RTL1: variants seen among roughly 807,000 people sequenced by gnomAD.
RTL1 encodes the protein retrotransposon Gag like 1, also known as retrotransposon-like protein 1.
For missense variants in RTL1, 1,681 were observed against 1,767.5 expected, an observed-to-expected ratio of 0.95 and a Z score of 0.88; for synonymous variants, 727 against 748.4, an observed-to-expected ratio of 0.97 and a Z score of 0.47.
chr14:100,881,585 G>C lies in RTL1; in HGVS notation c.3204C>G (p.Ser1068Arg). 6.4e-7 allele frequency: 1 copy of C among 1,551,806 alleles called. No homozygotes were observed. Among genetic ancestry groups the C allele is most frequent in the Non-Finnish European group, 8.7e-7 (1 of 1,147,020 alleles). Residue 1068 changes from serine to arginine, a missense_variant, in exon 4 of 4, where the codon AGC becomes AGG. Ser to Arg is a moderately radical substitution (Grantham distance 110). Coordinates refer to ENST00000649591, the MANE Select transcript of RTL1 (RefSeq NM_001134888.3). This position sits in a 1 kb window ranked among gnomAD's most constrained non-coding sequence, Gnocchi z 6.6. ...GAATGACGGCCCTGATCTGGGCCAT[G>C]CTGAAGTGGGCGAGGAAGCTGTTGA... ...QILNSFLAHF[S>R]MAQIRAVILH...
chr14:100,895,259 C>A (rs778458307), intron 2 of RTL1, among the ~76,000 whole-genome samples: 1 of 152,044 alleles, frequency 6.6e-6, no homozygotes, highest in African/African-American at 2.4e-5. Flanking sequence ...CAGGGGTCTA[C>A]CTGGAGGTCA....
chr14:100,887,281 C>T lies in RTL1; in HGVS notation c.-86-2407G>A, dbSNP rs375060493. On this transcript the variant is annotated intron_variant, in intron 3 of 3. Coordinates refer to ENST00000649591, the MANE Select transcript of RTL1 (RefSeq NM_001134888.3). ...GTCATTCCTCAAAATAAAAAGGTCA[C>T]TCTCCCTTGCAAGATACACGAATTT... Among the ~76,000 whole-genome samples, 7 of 152,308 alleles carry T rather than the reference C, an allele frequency of 4.6e-5. No individual in the cohort carries two copies. In the East Asian group the frequency reaches 9.6e-4, roughly 21 times the overall value.
In RTL1 at chr14:100,882,562, C is replaced by G. The variant is rs1421967821; in HGVS notation, c.2227G>C (p.Glu743Gln). ...QEVLIYSMSQ[E>Q]EHLHHVRQVL... ...TGGCGGACGTGGTGGAGGTGCTCCT[C>G]CTGACTCATTGAGTAGATCAGGACT... is the stretch of plus-strand genomic sequence containing the variant. Residue 743 changes from glutamate (E) to glutamine (Q), a missense_variant, in exon 4 of 4, where the codon GAG becomes CAG. Transcript: ENST00000649591. The G allele has an allele frequency of 6.4e-7, 1 of 1,551,774 alleles. No individual in the cohort carries two copies. The highest frequency in any genetic ancestry group is 1.2e-5 in the South Asian group (1 of 84,052).
In RTL1 at chr14:100,882,736, C is replaced by G; in HGVS notation, c.2053G>C (p.Val685Leu). The change falls in exon 4 of 4, where the codon GTG (valine) becomes CTG (leucine). Residue 685 changes from valine (V) to leucine (L), a missense_variant. By Grantham distance (32) the Val-to-Leu change is conservative (BLOSUM62 1). Coordinates refer to ENST00000649591, the MANE Select transcript of RTL1 (RefSeq NM_001134888.3). ...ESVNGHRTEDVWKAAFGLELE... is the reference protein window; with the variant it reads ...ESVNGHRTEDLWKAAFGLELE... ...TCCAAACCAAACGCTGCTTTCCACA[C>G]ATCTTCGGTGCGGTGCCCGTTCACG... is the stretch of plus-strand genomic sequence containing the variant. 1.3e-6 allele frequency: 2 copies of G among 1,551,974 alleles called. No individual in the cohort carries two copies. The highest frequency in any genetic ancestry group is 1.7e-6 in the Non-Finnish European group (2 of 1,147,074).
At position 100,881,249 on chromosome 14, in the gene RTL1, G is replaced by C. The variant is rs1345859129; in HGVS notation, c.3540C>G (p.Ser1180=). The C allele has an allele frequency of 1.3e-6, 2 of 1,549,694 alleles. No individual in the cohort carries two copies. The highest frequency in any genetic ancestry group is 1.7e-6 in the Non-Finnish European group (2 of 1,146,466). ...TGAACTGCAGGCCTCGGTGGGCCTG[G>C]GAGTGCAGAGCATTTCGCTGCCAGC... is the stretch of plus-strand genomic sequence containing the variant. ...PGRWQRNALH[S]QAHRGLQFTP... Residue 1180 remains serine (S), a synonymous_variant, in exon 4 of 4, where the codon TCC becomes TCG. Coordinates refer to ENST00000649591, the MANE Select transcript of RTL1 (RefSeq NM_001134888.3). This position sits in a 1 kb window ranked among gnomAD's most constrained non-coding sequence, Gnocchi z 6.6.
In RTL1 at chr14:100,884,275, A is replaced by G. The variant is rs2038665016; in HGVS notation, c.514T>C (p.Ser172Pro). The change falls in exon 4 of 4, where the codon TCG becomes CCG. Residue 172 changes from serine to proline, a missense_variant. Physicochemically the swap from Ser to Pro is moderately conservative, Grantham distance 74. Coordinates refer to ENST00000649591, the MANE Select transcript of RTL1 (RefSeq NM_001134888.3). The part of the protein sequence containing the change: ...ELMAMVRSII[S>P]LYFRMQDLKE... ...AGGTCTTGCATTCGGAAGTACAGCGAGATGATGGACCTCACCATGGCCATA... is the reference window on the plus strand; with the variant it reads ...AGGTCTTGCATTCGGAAGTACAGCGGGATGATGGACCTCACCATGGCCATA... 6.4e-7 allele frequency: 1 copy of G among 1,551,726 alleles called. No homozygotes were observed. Among genetic ancestry groups the G allele is most frequent in the Admixed American group, 2.0e-5 (1 of 51,004 alleles).
At chr14:100,898,145 T>C (rs2038894353) in intron 2 of RTL1, 1 of 236,706 alleles carries the variant, frequency 4.2e-6, no homozygotes, top group Non-Finnish European at 9.0e-6. Context: ...GTCACAGTCC[T>C]AGCCGTCAGG....
intron 2 of RTL1, among the ~76,000 whole-genome samples, chr14:100,895,929 T>A (rs1330581043): frequency 1.3e-5 from 2 of 151,926 alleles, no homozygotes; most frequent in Non-Finnish European, 2.9e-5. Flanking sequence ...CAAAATTAGC[T>A]GGGCGTGGTG....
At chr14:100,902,703 G>A (rs2038959766) in intron 2 of RTL1, among the ~76,000 whole-genome samples, 2 of 152,244 alleles carry the variant, frequency 1.3e-5, no homozygotes, top group South Asian at 2.1e-4. Flanking sequence ...CTCTCTAGCT[G>A]CAAGACAATT....
rs779953498 is a variant in RTL1, at chr14:100,883,037, G to A, written c.1752C>T (p.Ser584=). The A allele has an allele frequency of 6.2e-7, 1 of 1,614,120 alleles. No individual in the cohort carries two copies. Among genetic ancestry groups the A allele is most frequent in the Non-Finnish European group, 8.5e-7 (1 of 1,180,032 alleles). The change falls in exon 4 of 4, where the codon TCC becomes TCT. Residue 584 remains serine (S), a synonymous_variant. Transcript: ENST00000649591. The surrounding 1 kb of genome is among the most constrained non-coding windows in gnomAD (Gnocchi z 5.9). ...AGGGCTCTGATTCAGAAAGATCATC[G>A]GATCCGTCTGAGCTTGGCTGGTCGG... ...ETSDQPSSDG[S]DDLSESEPSE...
At chr14:100,891,229 CTTGAGCCTT>C (rs1302065762) in intron 3 of RTL1, among the ~76,000 whole-genome samples, 12 of 152,150 alleles carry the variant, frequency 7.9e-5, no homozygotes, top group African/African-American at 2.9e-4. Flanking sequence ...CTAAAGACGA[CTTGAGCCTT>C]ACAGGGTGGG....
intron 3 of RTL1, among the ~76,000 whole-genome samples, chr14:100,886,862 A>G (rs919021804): frequency 6.6e-6 from 1 of 152,208 alleles, no homozygotes; most frequent in Non-Finnish European, 1.5e-5. Context: ...CGATTTAAAA[A>G]CTAGATTATG....
intron 3 of RTL1, among the ~76,000 whole-genome samples, chr14:100,888,702 CTG>C (rs1431012905): frequency 6.6e-6 from 1 of 152,226 alleles, no homozygotes; most frequent in Non-Finnish European, 1.5e-5. Context: ...CCAGGCCACT[CTG>C]TTAGAAAGTT....
chr14:100,899,674 A>T (rs375069146), intron 2 of RTL1, among the ~76,000 whole-genome samples: 1 of 151,164 alleles, frequency 6.6e-6, no homozygotes, highest in Admixed American at 6.6e-5. Context: ...GTCCTTGGCA[A>T]ATCCCCAAGT....
At chr14:100,895,721 CTGCAGGTTGGA>C (rs1423328557) in intron 2 of RTL1, among the ~76,000 whole-genome samples, 1 of 152,156 alleles carries the variant, frequency 6.6e-6, no homozygotes, top group Non-Finnish European at 1.5e-5. Context: ...CTACCCCAGC[CTGCAGGTTGGA>C]TGCAGGTAAC....
At chr14:100,889,008 C>T (rs1305817027) in intron 3 of RTL1, among the ~76,000 whole-genome samples, 1 of 152,156 alleles carries the variant, frequency 6.6e-6, no homozygotes, top group African/African-American at 2.4e-5. Flanking sequence ...AATCCCAAAG[C>T]CGTTACCCGT....
chr14:100,898,065 C>T, intron 2 of RTL1: 2 of 436,380 alleles, frequency 4.6e-6, no homozygotes, highest in Non-Finnish European at 9.5e-6. Context: ...TATGTATGCA[C>T]CATTGTTGAT....
Position 100,881,439 on chromosome 14 carries a change from C to T in RTL1, c.3350G>A (p.Arg1117Gln), listed in dbSNP as rs112099263. ...TCGTAGGGAGCGCTGGGGCTGGGGC[C>T]GAGCCACCCGCATGGCGGGTGCCGG... ...LRPAPAMRVA[R>Q]PQPQRSLRLI... The change falls in exon 4 of 4, where the codon CGG becomes CAG. Residue 1117 changes from arginine (R) to glutamine (Q), a missense_variant. Transcript: ENST00000649591. This position sits in a 1 kb window ranked among gnomAD's most constrained non-coding sequence, Gnocchi z 6.6. 26 of 1,550,732 alleles carry T rather than the reference C, an allele frequency of 1.7e-5. No homozygotes were observed. Among genetic ancestry groups the T allele is most frequent in the African/African-American group, 8.2e-5 (6 of 73,156 alleles).
rs75069437 is a variant in RTL1, at chr14:100,879,768, T to G, written c.*944A>C. Among the ~76,000 whole-genome samples the G allele has an allele frequency of 0.012, 1,786 of 148,078 alleles. 18 individuals are homozygous for G. Among genetic ancestry groups the G allele is most frequent in the Non-Finnish European group, 0.018 (1,238 of 66,922 alleles). On this transcript the variant is annotated 3_prime_UTR_variant, in exon 4 of 4. Transcript: ENST00000649591. Reference sequence around the variant, plus strand: ...AAGTCAGACAGTCTTTTAGTTTGCTTTATTTGAGGAGTGCAAAAAGATTGG... The same window carrying G: ...AAGTCAGACAGTCTTTTAGTTTGCTGTATTTGAGGAGTGCAAAAAGATTGG...
Sources: gnomAD v4.1 joint callset for allele counts (sites outside exome capture counted in the v4.1 genomes callset) on GRCh38, gnomAD v4.1.1 for gene constraint, Gnocchi (gnomAD v3.1) non-coding constraint, MANE v1.5 for transcripts, NCBI Gene and HGNC (gene_info 2026-07-23, HGNC 2026-07-21) for gene names.